Variants in PIBF1 observed in about 807,000 individuals in gnomAD.
The protein encoded by PIBF1 is progesterone-induced-blocking factor 1.
PIBF1 carries 90 observed loss-of-function variants against 112.5 expected under a neutral mutation model. That is an observed-to-expected ratio of 0.80 (90% CI 0.67 to 0.95). PIBF1 has a LOEUF of 0.95. PIBF1 is among the 40% of genes least tolerant of loss of function. The probability of loss-of-function intolerance (pLI) is 0.00; values close to 1 mark genes in which losing one functional copy is unlikely to be tolerated. For synonymous variants in PIBF1, 301 were observed against 288.6 expected, an observed-to-expected ratio of 1.04 and a Z score of -0.44; for missense variants, 915 against 852.3, an observed-to-expected ratio of 1.07 and a Z score of -0.92.
chr13:72,999,808 C>A (rs555231831), intron 17 of PIBF1, among the ~76,000 whole-genome samples: 1 of 152,298 alleles, frequency 6.6e-6, no homozygotes, highest in South Asian at 2.1e-4. Context: ...GTGGCTCACA[C>A]CTCTAATCCC....
Position 72,990,456 on chromosome 13 carries a change from G to A in PIBF1, c.2050-8366G>A, listed in dbSNP as rs186364838. ...GAATCGCTTGAACTTGGGAGGCAGA[G>A]GTTGCAGTGAGCCAAGATCGTGCCA... On this transcript the variant is annotated intron_variant, in intron 16 of 17. Coordinates refer to ENST00000326291, the MANE Select transcript of PIBF1 (RefSeq NM_006346.4). Among the ~76,000 whole-genome samples, 172 of 151,062 alleles carry A rather than the reference G, an allele frequency of 1.1e-3. No individual in the cohort carries two copies. The East Asian group carries it at 0.02, about 18-fold the overall frequency.
At chr13:72,900,034 T>C (rs1377527871) in intron 11 of PIBF1, among the ~76,000 whole-genome samples, 1 of 152,100 alleles carries the variant, frequency 6.6e-6, no homozygotes, top group African/African-American at 2.4e-5. Flanking sequence ...TACTTAAGAA[T>C]ATTCCTAACA....
intron 9 of PIBF1, among the ~76,000 whole-genome samples, chr13:72,840,406 G>A (rs2138235014): frequency 6.6e-6 from 1 of 152,036 alleles, no homozygotes; most frequent in Non-Finnish European, 1.5e-5. Flanking sequence ...GGCCTGAGAT[G>A]TGTAATTATG....
intron 17 of PIBF1, among the ~76,000 whole-genome samples, chr13:73,015,045 C>CA (rs2044344317): frequency 6.6e-6 from 1 of 152,220 alleles, no homozygotes. Context: ...CTTGGCCTCC[C>CA]AAAGTACTGG....
intron 5 of PIBF1, among the ~76,000 whole-genome samples, chr13:72,800,945 TGAG>T (rs1451825287): frequency 6.6e-6 from 1 of 152,084 alleles, no homozygotes; most frequent in African/African-American, 2.4e-5. Flanking sequence ...TACAAAGCCT[TGAG>T]GAAGTGAGAG....
At chr13:72,991,920 A>G (rs1265126417) in intron 16 of PIBF1, among the ~76,000 whole-genome samples, 4 of 151,964 alleles carry the variant, frequency 2.6e-5, no homozygotes, top group East Asian at 1.9e-4. Flanking sequence ...GGGTTTCACC[A>G]TGTTAGCCAG....
chr13:72,809,589 GTTTT>G (rs34696804), intron 5 of PIBF1, among the ~76,000 whole-genome samples: 1 of 100,912 alleles, frequency 9.9e-6, no homozygotes, highest in African/African-American at 3.3e-5. Flanking sequence ...TTTTTTTTTG[GTTTT>G]TTTTTTTTTT....
At chr13:72,806,231 T>C (rs1326083811) in intron 5 of PIBF1, among the ~76,000 whole-genome samples, 1 of 152,172 alleles carries the variant, frequency 6.6e-6, no homozygotes, top group Non-Finnish European at 1.5e-5. Context: ...TTGGTAACCA[T>C]TTTTTAACTT....
intron 13 of PIBF1, among the ~76,000 whole-genome samples, chr13:72,925,338 A>G (rs2041442826): frequency 6.6e-6 from 1 of 152,190 alleles, no homozygotes; most frequent in Non-Finnish European, 1.5e-5. Flanking sequence ...GTTATGAAGA[A>G]ACAGGAGATA....
rs181849156 is a variant in PIBF1, at chr13:72,847,389, C to T, written c.1224-6668C>T. Among the ~76,000 whole-genome samples, 172 of 152,272 alleles carry T rather than the reference C, an allele frequency of 1.1e-3. 1 individual carries two copies. The highest frequency in any genetic ancestry group is 3.3e-3 in the African/African-American group (137 of 41,564). ...TGGAGGCTGGGAAGTCCAATATCTA[C>T]GTACTGGCATCTGGCAAGAGCCTTC... On this transcript the variant is annotated intron_variant, in intron 9 of 17. Coordinates refer to ENST00000326291, the MANE Select transcript of PIBF1 (RefSeq NM_006346.4).
intron 10 of PIBF1, among the ~76,000 whole-genome samples, chr13:72,892,134 A>C (rs1384738799): frequency 6.6e-6 from 1 of 152,166 alleles, no homozygotes; most frequent in Non-Finnish European, 1.5e-5. Flanking sequence ...TAAAAACCAC[A>C]GAACTGTGTA....
At chr13:73,010,810 CTTTTTTTTTTTTTTT>C (rs1176079981) in intron 17 of PIBF1, among the ~76,000 whole-genome samples, 12 of 40,282 alleles carry the variant, frequency 3.0e-4, no homozygotes, top group South Asian at 1.2e-3. Context: ...ATTAACTTTT[CTTTTTTTTTTTTTTT>C]TTTTTTTTTT....
intron 10 of PIBF1, among the ~76,000 whole-genome samples, chr13:72,868,438 T>C (rs1307402016): frequency 6.6e-6 from 1 of 152,194 alleles, no homozygotes; most frequent in Non-Finnish European, 1.5e-5. Flanking sequence ...GGTACTCACG[T>C]ACCTGTAAAT....
chr13:72,787,566 G>T (rs2034668398), intron 2 of PIBF1, among the ~76,000 whole-genome samples: 1 of 152,190 alleles, frequency 6.6e-6, no homozygotes, highest in South Asian at 2.1e-4. Context: ...ACACCACGCG[G>T]TATTTGATTC....
chr13:72,897,717 G>A (rs2040335456), intron 11 of PIBF1, among the ~76,000 whole-genome samples: 1 of 152,184 alleles, frequency 6.6e-6, no homozygotes, highest in African/African-American at 2.4e-5. Context: ...AAGAGACAAA[G>A]AGGGACATTA....
At chr13:72,918,054 C>T (rs529669997) in intron 13 of PIBF1, among the ~76,000 whole-genome samples, 1 of 152,250 alleles carries the variant, frequency 6.6e-6, no homozygotes, top group African/African-American at 2.4e-5. Context: ...TTCCAGTTGA[C>T]CTGCCTGATT....
chr13:72,901,365 C>T (rs1411675418), intron 11 of PIBF1, among the ~76,000 whole-genome samples: 1 of 152,118 alleles, frequency 6.6e-6, no homozygotes, highest in Non-Finnish European at 1.5e-5. Context: ...TACCCCCTTA[C>T]TCCTGCAAGA....
chr13:72,841,651 G>A (rs528491637), intron 9 of PIBF1, among the ~76,000 whole-genome samples: 167 of 152,214 alleles, frequency 1.1e-3, no homozygotes, highest in African/African-American at 3.9e-3. Flanking sequence ...GCACAGGCCT[G>A]TAGTCCTATT....
chr13:72,896,423 G>A (rs1359576288), intron 11 of PIBF1, among the ~76,000 whole-genome samples: 1 of 152,036 alleles, frequency 6.6e-6, no homozygotes, highest in Non-Finnish European at 1.5e-5. Flanking sequence ...AATCACACTA[G>A]TTCACCAGCA....
Sources: gnomAD v4.1 joint callset for allele counts (sites outside exome capture counted in the v4.1 genomes callset) on GRCh38, gnomAD v4.1.1 for gene constraint, MANE v1.5 for transcripts, NCBI Gene and HGNC (gene_info 2026-07-23, HGNC 2026-07-21) for gene names.